NTNG1: variants seen among roughly 807,000 people sequenced by gnomAD.
The protein encoded by NTNG1 is netrin-G1.
A neutral mutation model predicts 54.0 loss-of-function variants in NTNG1; 16 were observed. The ratio of observed to expected loss-of-function variants is 0.30; its 90% CI spans 0.20 to 0.45. NTNG1 has a LOEUF of 0.45. NTNG1 is among the 20% of genes least tolerant of loss of function. NTNG1 has a pLI of 1.00. For synonymous variants in NTNG1, 255 were observed against 263.1 expected (o/e 0.97, Z 0.30); for missense variants, 530 against 678.7 (o/e 0.78, Z 2.43).
intron 7 of NTNG1, among the ~76,000 whole-genome samples, chr1:107,437,583 C>T (rs1377828600): frequency 6.6e-6 from 1 of 152,188 alleles, no homozygotes; most frequent in East Asian, 1.9e-4. Context: ...CACCACAAGA[C>T]ATATCCTGTG....
intron 7 of NTNG1, among the ~76,000 whole-genome samples, chr1:107,478,669 C>T (rs760172028): frequency 6.6e-6 from 1 of 152,226 alleles, no homozygotes; most frequent in Non-Finnish European, 1.5e-5. Flanking sequence ...GGAAATATCC[C>T]ATTCAGCATT....
At chr1:107,453,872 A>G (rs1676771222) in intron 7 of NTNG1, among the ~76,000 whole-genome samples, 1 of 152,178 alleles carries the variant, frequency 6.6e-6, no homozygotes, top group Non-Finnish European at 1.5e-5. Flanking sequence ...AGAGATGAGG[A>G]AACTGAGTCT....
At chr1:107,383,794 C>A (rs933887972) in intron 3 of NTNG1, among the ~76,000 whole-genome samples, 3 of 152,164 alleles carry the variant, frequency 2.0e-5, no homozygotes, top group Non-Finnish European at 4.4e-5. Flanking sequence ...GTTACTTGAA[C>A]GTTGTTCATT....
intron 3 of NTNG1, among the ~76,000 whole-genome samples, chr1:107,345,132 T>C (rs893771717): frequency 1.3e-5 from 2 of 152,178 alleles, no homozygotes; most frequent in African/African-American, 2.4e-5. Flanking sequence ...GGTCTGACCA[T>C]GAAAATCTCT....
At chr1:107,429,281 G>T (rs1371893442) in intron 5 of NTNG1, among the ~76,000 whole-genome samples, 1 of 152,008 alleles carries the variant, frequency 6.6e-6, no homozygotes, top group Non-Finnish European at 1.5e-5. Context: ...CTTGTTATCA[G>T]CTTCCTATTG....
At chr1:107,464,927 CGTCTCT>C (rs778365221) in intron 7 of NTNG1, among the ~76,000 whole-genome samples, 14 of 152,170 alleles carry the variant, frequency 9.2e-5, no homozygotes, top group Non-Finnish European at 1.5e-4. Flanking sequence ...ATGGGCCCCA[CGTCTCT>C]CCATAGGCTT....
chr1:107,377,087 G>A (rs1385452369), intron 3 of NTNG1, among the ~76,000 whole-genome samples: 1 of 152,170 alleles, frequency 6.6e-6, no homozygotes, highest in Non-Finnish European at 1.5e-5. Flanking sequence ...CTTACATGGG[G>A]CCAGTTGAGC....
At chr1:107,435,989 C>A (rs1468932444) in intron 6 of NTNG1, among the ~76,000 whole-genome samples, 1 of 152,114 alleles carries the variant, frequency 6.6e-6, no homozygotes, top group Non-Finnish European at 1.5e-5. Flanking sequence ...TATTGTCCTG[C>A]CAGCAGACAT....
Position 107,312,331 on chromosome 1 carries a change from A to G in NTNG1, c.247-11951A>G, listed in dbSNP as rs1312576282. On this transcript the variant is annotated intron_variant, in intron 2 of 7. Coordinates refer to ENST00000370068, the MANE Select transcript of NTNG1 (RefSeq NM_001113226.3). ...GAATTTGGTATTACTCTCTGAGTCA[A>G]GAAGCACAGGTGGGGGAGTAGGTTT... Among the ~76,000 whole-genome samples the G allele has an allele frequency of 2.6e-5, 4 of 152,308 alleles. No homozygotes were observed. The East Asian group carries it at 7.7e-4, about 29-fold the overall frequency.
intron 5 of NTNG1, among the ~76,000 whole-genome samples, chr1:107,419,078 G>C (rs1017637194): frequency 6.6e-6 from 1 of 151,976 alleles, no homozygotes; most frequent in African/African-American, 2.4e-5. Flanking sequence ...TAACAGATCT[G>C]TTTTCGCTGA....
intron 3 of NTNG1, among the ~76,000 whole-genome samples, chr1:107,379,281 T>C (rs962624903): frequency 2.0e-5 from 3 of 152,236 alleles, no homozygotes; most frequent in Non-Finnish European, 4.4e-5. Flanking sequence ...AAAAAGCACA[T>C]GTCGCTTCAT....
At chr1:107,165,254 A>T (rs2101068756) in intron 2 of NTNG1, among the ~76,000 whole-genome samples, 1 of 152,272 alleles carries the variant, frequency 6.6e-6, no homozygotes, top group Non-Finnish European at 1.5e-5. Flanking sequence ...TAAAATGGAG[A>T]ATCAAAGAAT....
chr1:107,257,608 T>C (rs958803512), intron 2 of NTNG1, among the ~76,000 whole-genome samples: 1 of 152,082 alleles, frequency 6.6e-6, no homozygotes, highest in Non-Finnish European at 1.5e-5. Context: ...ATTGTGAATA[T>C]ATCCAAAAAT....
chr1:107,467,535 G>A (rs995882934), intron 7 of NTNG1, among the ~76,000 whole-genome samples: 3 of 152,166 alleles, frequency 2.0e-5, no homozygotes, highest in Admixed American at 2.0e-4. Flanking sequence ...TACAGATGAA[G>A]AAATAGAGGC....
At chr1:107,263,759 G>A (rs371644641) in intron 2 of NTNG1, among the ~76,000 whole-genome samples, 1 of 152,090 alleles carries the variant, frequency 6.6e-6, no homozygotes, top group Non-Finnish European at 1.5e-5. Context: ...TATGCTCACG[G>A]CACTTGCCTT....
At chr1:107,311,728 T>C (rs1667027497) in intron 2 of NTNG1, among the ~76,000 whole-genome samples, 1 of 152,178 alleles carries the variant, frequency 6.6e-6, no homozygotes, top group African/African-American at 2.4e-5. Context: ...CTTACTTTTC[T>C]TGAATCATTA....
chr1:107,227,411 C>A (rs897138128), intron 2 of NTNG1, among the ~76,000 whole-genome samples: 19 of 152,078 alleles, frequency 1.2e-4, no homozygotes, highest in African/African-American at 4.3e-4. Context: ...GTAGTAAGCA[C>A]TTGGGTTTAT....
intron 3 of NTNG1, among the ~76,000 whole-genome samples, chr1:107,336,211 TAC>T (rs1668568847): frequency 6.6e-6 from 1 of 151,310 alleles, no homozygotes; most frequent in Non-Finnish European, 1.5e-5. Context: ...TTTCAAAACT[TAC>T]TACAAAGTCA....
At chr1:107,348,717 A>G (rs1190508404) in intron 3 of NTNG1, among the ~76,000 whole-genome samples, 1 of 152,194 alleles carries the variant, frequency 6.6e-6, no homozygotes, top group African/African-American at 2.4e-5. Flanking sequence ...TTCATATCCA[A>G]GTTGAACCCT....
Sources: gnomAD v4.1 joint callset for allele counts (sites outside exome capture counted in the v4.1 genomes callset) on GRCh38, gnomAD v4.1.1 for gene constraint, MANE v1.5 for transcripts, NCBI Gene and HGNC (gene_info 2026-07-23, HGNC 2026-07-21) for gene names.